The following BTRC variants were observed in gnomAD, a reference collection of about 807,000 sequenced individuals.
BTRC encodes the protein beta-transducin repeat containing E3 ubiquitin protein ligase, also known as F-box/WD repeat-containing protein 1A.
In BTRC, 42 loss-of-function variants were observed where a neutral mutation model predicts 85.5. The ratio of observed to expected loss-of-function variants is 0.49; its 90% CI spans 0.38 to 0.64. BTRC has a LOEUF of 0.64. Ranked by LOEUF, BTRC falls within the 30% of genes least tolerant of loss-of-function variation. The pLI, the probability that BTRC is intolerant of heterozygous loss-of-function variation, is 0.00. For missense variants in BTRC, 594 were observed against 743.5 expected, an observed-to-expected ratio of 0.80 and a Z score of 2.34; for synonymous variants, 255 against 263.3, an observed-to-expected ratio of 0.97 and a Z score of 0.30.
intron 1 of BTRC, among the ~76,000 whole-genome samples, chr10:101,366,902 A>G (rs185020506): frequency 0.018 from 674 of 38,394 alleles, 77 homozygotes; most frequent in African/African-American, 0.065. Context: ...ATATATTTAT[A>G]TATATTAATA....
chr10:101,448,357 A>G (rs1301547031), intron 2 of BTRC, among the ~76,000 whole-genome samples: 1 of 152,142 alleles, frequency 6.6e-6, no homozygotes, highest in Non-Finnish European at 1.5e-5. Flanking sequence ...TTATCCCTGG[A>G]GCAGTAAAAT....
chr10:101,466,756 G>A (rs1945383108), intron 3 of BTRC, among the ~76,000 whole-genome samples: 1 of 152,182 alleles, frequency 6.6e-6, no homozygotes, highest in Non-Finnish European at 1.5e-5. Context: ...TGACTGTGTT[G>A]TCATCTTCTG....
At chr10:101,429,882 T>A (rs1302974722) in intron 1 of BTRC, among the ~76,000 whole-genome samples, 4 of 147,680 alleles carry the variant, frequency 2.7e-5, no homozygotes, top group Non-Finnish European at 3.0e-5. Flanking sequence ...AAAAAAAAAC[T>A]CTCTTAACTG....
chr10:101,512,038 A>T (rs2061963783), intron 4 of BTRC, among the ~76,000 whole-genome samples: 1 of 151,410 alleles, frequency 6.6e-6, no homozygotes, highest in Admixed American at 6.6e-5. Flanking sequence ...TTCTTTCTCC[A>T]CTCCTCTTCA....
intron 1 of BTRC, among the ~76,000 whole-genome samples, chr10:101,396,694 C>T (rs1476342181): frequency 2.0e-5 from 3 of 152,000 alleles, no homozygotes; most frequent in Non-Finnish European, 4.4e-5. Context: ...AAACATCAGT[C>T]ACTACTAACG....
intron 2 of BTRC, among the ~76,000 whole-genome samples, chr10:101,449,614 T>A (rs1340127657): frequency 1.3e-5 from 2 of 152,176 alleles, no homozygotes; most frequent in African/African-American, 2.4e-5. Flanking sequence ...AGCAGTTTTT[T>A]AAAAGATTCC....
rs57730908 is a variant in BTRC at position 101,531,157 on chromosome 10, C to T, written c.744-80C>T. ...CTGCACTCCAGCCTGGGCAACAGAGCGAGACTCTGTCTCAAAATATATATG... is the reference window on the plus strand; with the variant it reads ...CTGCACTCCAGCCTGGGCAACAGAGTGAGACTCTGTCTCAAAATATATATG... On this transcript the variant is annotated intron_variant, in intron 6 of 14. Transcript: ENST00000370187. 1,342 of 1,176,730 alleles carry T rather than the reference C, an allele frequency of 1.1e-3. 19 individuals carry two copies. In the East Asian group the frequency reaches 0.032, roughly 28 times the overall value. 72.9% of individuals were successfully genotyped at this position (1,176,730 alleles called of 1,614,324 possible). A position where few individuals can be genotyped will look rare whatever the true frequency, so the allele number is the denominator to read the frequency against.
intron 1 of BTRC, among the ~76,000 whole-genome samples, chr10:101,372,395 C>T (rs1942663056): frequency 6.6e-6 from 1 of 150,696 alleles, no homozygotes; most frequent in African/African-American, 2.4e-5. Context: ...GCTGGGATTA[C>T]AGGCACACAC....
At chr10:101,422,855 C>T (rs897666056) in intron 1 of BTRC, among the ~76,000 whole-genome samples, 9 of 151,972 alleles carry the variant, frequency 5.9e-5, no homozygotes, top group Non-Finnish European at 8.8e-5. Context: ...AGTACCATGC[C>T]GTTTTGGTTA....
intron 4 of BTRC, among the ~76,000 whole-genome samples, chr10:101,514,265 T>C (rs927143054): frequency 2.6e-5 from 4 of 152,188 alleles, no homozygotes; most frequent in African/African-American, 9.7e-5. Context: ...TTACTGACTT[T>C]TTTTTCCTTT....
chr10:101,429,694 C>T (rs1002577191), intron 1 of BTRC, among the ~76,000 whole-genome samples: 10 of 149,384 alleles, frequency 6.7e-5, no homozygotes, highest in African/African-American at 2.5e-4. Flanking sequence ...CCTTATACCC[C>T]CCACCCCCCA....
chr10:101,372,196 G>A (rs1942655284), intron 1 of BTRC, among the ~76,000 whole-genome samples: 1 of 151,056 alleles, frequency 6.6e-6, no homozygotes, highest in South Asian at 2.1e-4. Flanking sequence ...ATGCCCCTCA[G>A]CTTCCCCTTC....
At chr10:101,545,226 A>G (rs376279399) in intron 13 of BTRC, among the ~76,000 whole-genome samples, 1 of 151,366 alleles carries the variant, frequency 6.6e-6, no homozygotes. Flanking sequence ...GTTTTCAGCA[A>G]TTTGCTTATG....
chr10:101,501,181 G>T lies in BTRC; in HGVS notation c.325-20458G>T, dbSNP rs185340089. Among the ~76,000 whole-genome samples, 113 of 136,174 alleles carry T rather than the reference G, an allele frequency of 8.3e-4. 1 individual carries two copies. The highest frequency in any genetic ancestry group is 7.5e-3 in the Middle Eastern group (2 of 268). 89.3% of individuals were successfully genotyped at this position (136,174 alleles called of 152,430 possible). A position where few individuals can be genotyped will look rare whatever the true frequency, so the allele number is the denominator to read the frequency against. The stretch of plus-strand genomic sequence containing the variant: ...CCAGCCTGGGCAACAGAGTGAGACT[G>T]CGTCTCAAAAAAAAAAAAAGAGGTG... On this transcript the variant is annotated intron_variant, in intron 4 of 14. Coordinates refer to ENST00000370187, the MANE Select transcript of BTRC (RefSeq NM_033637.4).
intron 1 of BTRC, among the ~76,000 whole-genome samples, chr10:101,368,622 G>A (rs1942544449): frequency 6.6e-6 from 1 of 151,776 alleles, no homozygotes; most frequent in Admixed American, 6.6e-5. Context: ...TAGGACTACA[G>A]GCATGTGCCA....
chr10:101,546,656 A>T (rs1042478696), intron 13 of BTRC, among the ~76,000 whole-genome samples: 5 of 152,220 alleles, frequency 3.3e-5, no homozygotes, highest in Admixed American at 3.3e-4. Context: ...AATTAAATTC[A>T]AAGTAAGTAG....
chr10:101,399,942 A>C (rs187933627), intron 1 of BTRC, among the ~76,000 whole-genome samples: 72 of 152,308 alleles, frequency 4.7e-4, no homozygotes, highest in African/African-American at 1.7e-3. Context: ...TGTAACTCTT[A>C]ATACTAATGT....
intron 2 of BTRC, among the ~76,000 whole-genome samples, chr10:101,434,423 A>T (rs1393520633): frequency 1.3e-5 from 2 of 152,176 alleles, no homozygotes; most frequent in Non-Finnish European, 2.9e-5. Context: ...ACTGCACTAT[A>T]TACATAAATT....
At chr10:101,507,619 A>C (rs1946575233) in intron 4 of BTRC, among the ~76,000 whole-genome samples, 2 of 152,340 alleles carry the variant, frequency 1.3e-5, no homozygotes, top group Middle Eastern at 3.4e-3. Flanking sequence ...AAGCACTGGG[A>C]AAATGTCTTG....
Sources: gnomAD v4.1 joint callset for allele counts (sites outside exome capture counted in the v4.1 genomes callset) on GRCh38, gnomAD v4.1.1 for gene constraint, MANE v1.5 for transcripts, NCBI Gene and HGNC (gene_info 2026-07-23, HGNC 2026-07-21) for gene names.